CFAP95: variants seen among roughly 807,000 people sequenced by gnomAD.
CFAP95 encodes cilia- and flagella-associated protein 95.
chr9:69,880,092 A>G, the CFAP95 span, among the ~76,000 whole-genome samples: 9 of 152,176 alleles, frequency 5.9e-5, no homozygotes, highest in African/African-American at 1.9e-4. Flanking sequence ...TCACATCATG[A>G]AAAACTGGGT....
At chr9:69,862,758 C>T in the CFAP95 span, among the ~76,000 whole-genome samples, 7 of 152,136 alleles carry the variant, frequency 4.6e-5, no homozygotes, top group African/African-American at 9.7e-5. Context: ...AGATAATGTC[C>T]GTTACACAGA....
At chr9:69,839,610 T>G in the CFAP95 span, among the ~76,000 whole-genome samples, 3 of 151,382 alleles carry the variant, frequency 2.0e-5, no homozygotes, top group African/African-American at 7.3e-5. Context: ...GTATTTTTAG[T>G]AGAGACGGGG....
the CFAP95 span, among the ~76,000 whole-genome samples, chr9:69,899,434 TA>T: frequency 5.9e-5 from 9 of 152,236 alleles, no homozygotes; most frequent in African/African-American, 2.2e-4. Context: ...TCTGATGCCA[TA>T]ATTTAAATAG....
At chr9:69,840,626 T>TA in the CFAP95 span, among the ~76,000 whole-genome samples, 2 of 152,242 alleles carry the variant, frequency 1.3e-5, no homozygotes, top group African/African-American at 4.8e-5. Context: ...TTATATATGG[T>TA]AAATATGTAT....
At chr9:69,868,882 A>G in the CFAP95 span, among the ~76,000 whole-genome samples, 1 of 152,062 alleles carries the variant, frequency 6.6e-6, no homozygotes, top group Non-Finnish European at 1.5e-5. Context: ...CAAATGGCCA[A>G]CAGGTATTTA....
chr9:69,871,415 A>C, the CFAP95 span, among the ~76,000 whole-genome samples: 2 of 152,088 alleles, frequency 1.3e-5, no homozygotes, highest in Non-Finnish European at 2.9e-5. Flanking sequence ...GTTTTTGAGC[A>C]TACGGTAGGA....
At chr9:69,894,692 A>G in the CFAP95 span, among the ~76,000 whole-genome samples, 1 of 152,168 alleles carries the variant, frequency 6.6e-6, no homozygotes. Context: ...CAAGTGCCAT[A>G]TTTGTAGCTA....
the CFAP95 span, among the ~76,000 whole-genome samples, chr9:69,872,367 C>G: frequency 6.6e-6 from 1 of 152,090 alleles, no homozygotes; most frequent in Non-Finnish European, 1.5e-5. Flanking sequence ...CAAAAATAAC[C>G]AAAGAATTCA....
At chr9:69,871,497 A>G in the CFAP95 span, among the ~76,000 whole-genome samples, 1 of 152,050 alleles carries the variant, frequency 6.6e-6, no homozygotes, top group African/African-American at 2.4e-5. Context: ...TGAACGTATC[A>G]AGGCAAGATG....
chr9:69,863,347 A>G, the CFAP95 span, among the ~76,000 whole-genome samples: 2 of 152,178 alleles, frequency 1.3e-5, no homozygotes, highest in African/African-American at 4.8e-5. Context: ...TAGAGACAGT[A>G]GAGGAATAGA....
chr9:69,842,414 G>T, the CFAP95 span, among the ~76,000 whole-genome samples: 1 of 152,098 alleles, frequency 6.6e-6, no homozygotes, highest in Non-Finnish European at 1.5e-5. Flanking sequence ...CCAATATTCC[G>T]GTTTTTCCTC....
chr9:69,827,916 G>C, the CFAP95 span, among the ~76,000 whole-genome samples: 1 of 152,134 alleles, frequency 6.6e-6, no homozygotes, highest in Non-Finnish European at 1.5e-5. Context: ...TCAATGCCTT[G>C]GAAAGAGAGC....
At chr9:69,828,580 G>C in the CFAP95 span, among the ~76,000 whole-genome samples, 2 of 152,192 alleles carry the variant, frequency 1.3e-5, no homozygotes, top group Non-Finnish European at 2.9e-5. Context: ...CTACTTGGGA[G>C]GCTGAGGCGA....
chr9:69,880,044 T>C, the CFAP95 span, among the ~76,000 whole-genome samples: 1 of 88,026 alleles, frequency 1.1e-5, no homozygotes, highest in Non-Finnish European at 2.4e-5. Flanking sequence ...ATTTATAGAA[T>C]ACATGAGATT....
the CFAP95 span, among the ~76,000 whole-genome samples, chr9:69,826,782 T>C: frequency 6.6e-6 from 1 of 152,142 alleles, no homozygotes; most frequent in Non-Finnish European, 1.5e-5. Flanking sequence ...GGATAAGGGA[T>C]AAGAATGCAG....
the CFAP95 span, among the ~76,000 whole-genome samples, chr9:69,851,525 T>C: frequency 2.6e-5 from 4 of 152,172 alleles, no homozygotes; most frequent in Non-Finnish European, 1.5e-5. Context: ...GATAATTTTT[T>C]ATTTCCCCAC....
chr9:69,899,023 T>C, the CFAP95 span, among the ~76,000 whole-genome samples: 1 of 152,218 alleles, frequency 6.6e-6, no homozygotes, highest in African/African-American at 2.4e-5. Context: ...GTGAAATGAC[T>C]CTTTCATTCT....
the CFAP95 span, among the ~76,000 whole-genome samples, chr9:69,836,600 G>T: frequency 2.7e-3 from 412 of 150,090 alleles, 1 homozygote; most frequent in African/African-American, 9.4e-3. Flanking sequence ...ATTAATAATG[G>T]CATTTAAAAA....
chr9:69,869,365 A>C, the CFAP95 span, among the ~76,000 whole-genome samples: 1 of 152,222 alleles, frequency 6.6e-6, no homozygotes, highest in Non-Finnish European at 1.5e-5. Flanking sequence ...AAAGAAAAGT[A>C]CTGCATAATC....
Sources: allele counts gnomAD v4.1 joint callset (sites outside exome capture counted in the v4.1 genomes callset), GRCh38; gene constraint gnomAD v4.1.1; transcripts MANE v1.5; gene names NCBI Gene and HGNC (gene_info 2026-07-23, HGNC 2026-07-21).